ASPRV1: variants seen among roughly 807,000 people sequenced by gnomAD.
ASPRV1 encodes the protein retroviral-like aspartic protease 1.
A neutral mutation model predicts 11.0 loss-of-function variants in ASPRV1; 7 were observed. That is an observed-to-expected ratio of 0.64 (90% CI 0.36 to 1.20). The LOEUF (loss-of-function observed/expected upper bound fraction) is 1.20. ASPRV1 is among the 50% of genes most tolerant of loss of function. The probability of loss-of-function intolerance (pLI) is 0.02; values close to 1 mark genes in which losing one functional copy is unlikely to be tolerated. For missense variants in ASPRV1, 299 were observed against 320.0 expected, an observed-to-expected ratio of 0.93 and a Z score of 0.50; for synonymous variants, 136 against 138.4, an observed-to-expected ratio of 0.98 and a Z score of 0.12.
the ASPRV1 span, among the ~76,000 whole-genome samples, chr2:70,070,120 A>G: frequency 7.0e-6 from 1 of 143,354 alleles, no homozygotes; most frequent in Non-Finnish European, 1.5e-5. Flanking sequence ...CAGAAGTTGC[A>G]GTGAGCTGGG....
chr2:69,985,107 C>T, the ASPRV1 span, among the ~76,000 whole-genome samples: 2 of 152,182 alleles, frequency 1.3e-5, no homozygotes, highest in Non-Finnish European at 2.9e-5. Context: ...CTGCCCACCT[C>T]GGCCTCCCGA....
chr2:69,979,052 T>G, the ASPRV1 span, among the ~76,000 whole-genome samples: 2 of 152,208 alleles, frequency 1.3e-5, no homozygotes, highest in African/African-American at 4.8e-5. Context: ...TTTTGTTTTT[T>G]TGAGACAAAG....
the ASPRV1 span, among the ~76,000 whole-genome samples, chr2:70,026,235 C>A: frequency 2.0e-5 from 3 of 152,180 alleles, no homozygotes; most frequent in Admixed American, 1.3e-4. Flanking sequence ...AGGAGAATCA[C>A]TTGGGCACTC....
downstream of ASPRV1, among the ~76,000 whole-genome samples, chr2:69,955,219 G>A (rs577349407): frequency 4.3e-4 from 66 of 151,834 alleles, no homozygotes; most frequent in East Asian, 7.6e-3. Context: ...GGGCAGACCA[G>A]GTCACCTCCC....
At chr2:70,026,782 A>C in the ASPRV1 span, among the ~76,000 whole-genome samples, 1 of 152,142 alleles carries the variant, frequency 6.6e-6, no homozygotes, top group Non-Finnish European at 1.5e-5. Flanking sequence ...TACCCAAAGC[A>C]ATCTACAGAT....
chr2:69,979,489 A>C, the ASPRV1 span, among the ~76,000 whole-genome samples: 9 of 152,280 alleles, frequency 5.9e-5, no homozygotes, highest in African/African-American at 1.4e-4. Context: ...GAGTGGGAAG[A>C]GGGCAGAGGC....
the ASPRV1 span, chr2:70,056,491 G>T: frequency 1.3e-5 from 2 of 150,122 alleles, no homozygotes; most frequent in African/African-American, 4.9e-5. Context: ...TGTAGTCCCA[G>T]CTACTCGGGA....
At chr2:70,024,015 C>T in the ASPRV1 span, among the ~76,000 whole-genome samples, 3 of 149,580 alleles carry the variant, frequency 2.0e-5, no homozygotes, top group East Asian at 2.0e-4. Context: ...CTTTAGGAGG[C>T]GAGGACAGGA....
chr2:69,934,318 G>A, the ASPRV1 span, among the ~76,000 whole-genome samples: 2 of 152,160 alleles, frequency 1.3e-5, no homozygotes, highest in Admixed American at 6.5e-5. Flanking sequence ...CCAAATCTCA[G>A]CTGCTTCTTA....
At chr2:70,048,328 T>C in the ASPRV1 span, among the ~76,000 whole-genome samples, 2 of 148,922 alleles carry the variant, frequency 1.3e-5, no homozygotes, top group Non-Finnish European at 3.0e-5. Flanking sequence ...GGCAGGAGAA[T>C]GGCGTGAACC....
chr2:70,066,551 A>G, the ASPRV1 span, among the ~76,000 whole-genome samples: 1 of 150,408 alleles, frequency 6.6e-6, no homozygotes, highest in Non-Finnish European at 1.5e-5. Context: ...CCTCACTGAC[A>G]TCTTTTTAAG....
the ASPRV1 span, among the ~76,000 whole-genome samples, chr2:69,934,761 A>G: frequency 6.6e-6 from 1 of 152,230 alleles, no homozygotes; most frequent in Admixed American, 6.5e-5. Flanking sequence ...TAGGACATAA[A>G]GCACATTCTC....
the ASPRV1 span, among the ~76,000 whole-genome samples, chr2:69,982,635 G>C: frequency 1.3e-5 from 2 of 152,166 alleles, no homozygotes; most frequent in African/African-American, 4.8e-5. Flanking sequence ...AGACGCACCT[G>C]GGTGAGGACA....
At chr2:69,967,906 C>A in the ASPRV1 span, among the ~76,000 whole-genome samples, 2 of 151,688 alleles carry the variant, frequency 1.3e-5, no homozygotes, top group African/African-American at 2.4e-5. Context: ...CATGGTGAAA[C>A]CCTGGCTCTA....
the ASPRV1 span, among the ~76,000 whole-genome samples, chr2:69,988,023 GA>G: frequency 6.6e-6 from 1 of 152,258 alleles, no homozygotes; most frequent in East Asian, 1.9e-4. Flanking sequence ...ACAATGGGGA[GA>G]ATGTGGAGAA....
At chr2:69,981,836 G>C in the ASPRV1 span, among the ~76,000 whole-genome samples, 1 of 152,210 alleles carries the variant, frequency 6.6e-6, no homozygotes, top group Non-Finnish European at 1.5e-5. Context: ...TGGGATTATA[G>C]GCGTGAGCCA....
the ASPRV1 span, among the ~76,000 whole-genome samples, chr2:70,076,883 A>C: frequency 6.6e-6 from 1 of 152,232 alleles, no homozygotes; most frequent in Non-Finnish European, 1.5e-5. Flanking sequence ...TATCAAAATT[A>C]AGAATTTCAA....
the ASPRV1 span, chr2:69,971,146 G>A: frequency 6.6e-6 from 1 of 151,816 alleles, no homozygotes; most frequent in Non-Finnish European, 1.5e-5. Context: ...CAGCTTGGGT[G>A]ACAGAGTAAG....
chr2:69,945,657 TGGGTGAAG>T, the ASPRV1 span, among the ~76,000 whole-genome samples: 2 of 152,132 alleles, frequency 1.3e-5, no homozygotes, highest in Admixed American at 6.5e-5. Flanking sequence ...TCCCCGGCTG[TGGGTGAAG>T]GCAGCGTGTC....
Sources: allele counts gnomAD v4.1 joint callset (sites outside exome capture counted in the v4.1 genomes callset), GRCh38; gene constraint gnomAD v4.1.1; transcripts MANE v1.5; gene names NCBI Gene and HGNC (gene_info 2026-07-23, HGNC 2026-07-21).